Variants in STARD7 observed in about 807,000 individuals in gnomAD.
STARD7 encodes stAR-related lipid transfer protein 7, mitochondrial.
In STARD7, 30 loss-of-function variants were observed where a neutral mutation model predicts 45.3. That is an observed-to-expected ratio of 0.66 (90% CI 0.50 to 0.90). STARD7 has a LOEUF of 0.90. Ranked by LOEUF, STARD7 falls within the 40% of genes least tolerant of loss-of-function variation. The pLI is 0.00. For synonymous variants in STARD7, 199 were observed against 183.0 expected (o/e 1.09, Z -0.70); for missense variants, 495 against 491.3 (o/e 1.01, Z -0.07).
chr2:96,197,080 A>ACCTAACC (rs1491522210), intron 1 of STARD7, among the ~76,000 whole-genome samples: 1 of 134,384 alleles, frequency 7.4e-6, no homozygotes, highest in Non-Finnish European at 1.6e-5. Context: ...ATAAAATAAA[A>ACCTAACC]TAAAATAAAA....
intron 3 of STARD7, among the ~76,000 whole-genome samples, chr2:96,194,500 TACAA>T (rs1466375571): frequency 1.3e-5 from 2 of 152,146 alleles, no homozygotes; most frequent in African/African-American, 2.4e-5. Flanking sequence ...AACTGATAAA[TACAA>T]ACAGAGGACT....
intron 1 of STARD7, among the ~76,000 whole-genome samples, chr2:96,197,259 G>T (rs1683236440): frequency 6.6e-6 from 1 of 151,700 alleles, no homozygotes. Flanking sequence ...ACAAAAATTA[G>T]CTGGGCATGG....
intron 1 of STARD7, among the ~76,000 whole-genome samples, chr2:96,201,840 A>G (rs1447674115): frequency 1.3e-5 from 2 of 152,224 alleles, no homozygotes; most frequent in Non-Finnish European, 2.9e-5. Context: ...AAAGCCAAAA[A>G]TTCAAAGGTA....
At chr2:96,203,599 T>C (rs904599114) in intron 1 of STARD7, among the ~76,000 whole-genome samples, 1 of 152,140 alleles carries the variant, frequency 6.6e-6, no homozygotes, top group African/African-American at 2.4e-5. Flanking sequence ...CTTCACATAA[T>C]TCTCCTCCTC....
intron 1 of STARD7, among the ~76,000 whole-genome samples, chr2:96,206,863 A>G (rs1683400290): frequency 6.6e-6 from 1 of 152,090 alleles, no homozygotes; most frequent in African/African-American, 2.4e-5. Context: ...ATGAAAATTA[A>G]AAGTTAATGA....
intron 1 of STARD7, among the ~76,000 whole-genome samples, chr2:96,199,011 C>T (rs1683266364): frequency 6.6e-6 from 1 of 152,192 alleles, no homozygotes; most frequent in Non-Finnish European, 1.5e-5. Context: ...TATTTCTAGA[C>T]TCTCAATTTT....
chr2:96,196,511 G>A lies in STARD7; in HGVS notation c.291-962C>T, dbSNP rs574305045. On this transcript the variant is annotated intron_variant, in intron 1 of 7. Coordinates refer to ENST00000337288, the MANE Select transcript of STARD7 (RefSeq NM_020151.4). Reference sequence around the variant, plus strand: ...GAGTCTCACTCTGTCACCCAGGCTAGAATAGAGTGCCATGATCTGGGCTCA... The same window carrying A: ...GAGTCTCACTCTGTCACCCAGGCTAAAATAGAGTGCCATGATCTGGGCTCA... 1.8e-3 allele frequency among the ~76,000 whole-genome samples: 271 copies of A among 152,240 alleles called. 1 individual carries two copies. Among genetic ancestry groups the A allele is most frequent in the Non-Finnish European group, 3.3e-3 (225 of 68,010 alleles).
chr2:96,206,989 C>T (rs1464266784), intron 1 of STARD7, among the ~76,000 whole-genome samples: 2 of 152,156 alleles, frequency 1.3e-5, no homozygotes. Context: ...AGGCAAAATA[C>T]CTATCACGCT....
At chr2:96,208,083 G>A in intron 1 of STARD7, 62 bp downstream of exon 1, 1 of 1,447,754 alleles carries the variant, frequency 6.9e-7, no homozygotes, top group Non-Finnish European at 9.2e-7. Context: ...CCACAGGGCA[G>A]GCCCCAGGGT....
intron 6 of STARD7, 175 bp from the exon 7 acceptor site, chr2:96,187,476 G>A: frequency 3.7e-6 from 2 of 535,682 alleles, no homozygotes; most frequent in Non-Finnish European, 6.7e-6. Context: ...TCTATAGAAA[G>A]GTCTCCTTGC....
At chr2:96,194,217 C>T (rs1221127781) in intron 3 of STARD7, among the ~76,000 whole-genome samples, 1 of 152,062 alleles carries the variant, frequency 6.6e-6, no homozygotes, top group Non-Finnish European at 1.5e-5. Flanking sequence ...TTTTAATTAG[C>T]CAAGTGTGGT....
At chr2:96,187,486 C>T in intron 6 of STARD7, 185 bp from the exon 7 acceptor site, 1 of 525,278 alleles carries the variant, frequency 1.9e-6, no homozygotes, top group Non-Finnish European at 3.4e-6. Flanking sequence ...GGTCTCCTTG[C>T]AATGTTGACC....
At chr2:96,198,661 C>G (rs1227284163) in intron 1 of STARD7, among the ~76,000 whole-genome samples, 1 of 152,098 alleles carries the variant, frequency 6.6e-6, no homozygotes, top group African/African-American at 2.4e-5. Context: ...TTATACTAGT[C>G]TTGATAGTAT....
chr2:96,196,627 G>T (rs539622263), intron 1 of STARD7, among the ~76,000 whole-genome samples: 1 of 151,990 alleles, frequency 6.6e-6, no homozygotes, highest in Non-Finnish European at 1.5e-5. Flanking sequence ...ATGCCCGGCT[G>T]ATTTTTTGTA....
At chr2:96,194,165 G>C (rs1021866799) in intron 3 of STARD7, among the ~76,000 whole-genome samples, 1 of 152,120 alleles carries the variant, frequency 6.6e-6, no homozygotes, top group African/African-American at 2.4e-5. Flanking sequence ...TTCAAGACCA[G>C]CCTAGGAGAC....
At chr2:96,206,800 C>CA (rs61417989) in intron 1 of STARD7, among the ~76,000 whole-genome samples, 12,614 of 46,364 alleles carry the variant, frequency 0.27, 1,656 homozygotes, top group East Asian at 0.36. Flanking sequence ...GACTCCGTCT[C>CA]AAAAAAAAAA....
rs1314590619 is a variant in STARD7, at chr2:96,208,418, A to AGCCTCCGCGGGAGCATGCC, written c.-3_16dup (p.Leu6ArgfsTer101). The AGCCTCCGCGGGAGCATGCC allele has an allele frequency of 1.6e-4, 224 of 1,412,098 alleles. 1 individual carries two copies. Among genetic ancestry groups the AGCCTCCGCGGGAGCATGCC allele is most frequent in the Non-Finnish European group, 2.0e-4 (218 of 1,094,356 alleles). The allele number at this position is 1,412,098 out of a possible 1,614,324, so 87.5% of individuals were successfully genotyped here. On this transcript the variant is annotated frameshift_variant, in exon 1 of 8. Coordinates refer to ENST00000337288, the MANE Select transcript of STARD7 (RefSeq NM_020151.4). LOFTEE classifies it high-confidence loss of function. ...CGTCCCCGCCAGCCAGGCGGCCAGC[A>AGCCTCCGCGGGAGCATGCC]GCCTCCGCGGGAGCATGCCGCCTCC...
chr2:96,194,863 A>G, intron 3 of STARD7, 95 bp downstream of exon 3: 1 of 1,020,668 alleles, frequency 9.8e-7, no homozygotes, highest in Non-Finnish European at 1.5e-6. Context: ...GGATGTACTT[A>G]AGCCAATGTC....
Position 96,193,074 on chromosome 2 carries a change from A to G in STARD7, c.743+4T>C, listed in dbSNP as rs376930563. On this transcript the variant is annotated splice_donor_region_variant and intron_variant, in intron 5 of 7. Transcript: ENST00000337288. ...CGGCAACAGCCACAGGCAGCCATACATACCGCGACACCAACACCATCATGT... is the reference window on the plus strand; with the variant it reads ...CGGCAACAGCCACAGGCAGCCATACGTACCGCGACACCAACACCATCATGT... 2.5e-6 allele frequency: 4 copies of G among 1,610,716 alleles called. No individual in the cohort carries two copies. Among genetic ancestry groups the G allele is most frequent in the African/African-American group, 2.7e-5 (2 of 74,866 alleles).
Sources: gnomAD v4.1 joint callset for allele counts (sites outside exome capture counted in the v4.1 genomes callset) on GRCh38, gnomAD v4.1.1 for gene constraint, MANE v1.5 for transcripts, NCBI Gene and HGNC (gene_info 2026-07-23, HGNC 2026-07-21) for gene names.